Variants in PCSK5 observed in about 807,000 individuals in gnomAD.
PCSK5 encodes proprotein convertase subtilisin/kexin type 5.
PCSK5 carries 129 observed loss-of-function variants against 233.2 expected under a neutral mutation model. The ratio of observed to expected loss-of-function variants is 0.55; its 90% CI spans 0.48 to 0.64. The LOEUF is 0.64. Ranked by LOEUF, PCSK5 falls within the 30% of genes least tolerant of loss-of-function variation. The probability of loss-of-function intolerance (pLI) is 0.00; values close to 1 mark genes in which losing one functional copy is unlikely to be tolerated. For synonymous variants in PCSK5, 825 were observed against 879.2 expected, an observed-to-expected ratio of 0.94 and a Z score of 1.09; for missense variants, 2,076 against 2,430.1, an observed-to-expected ratio of 0.85 and a Z score of 3.06.
chr9:76,355,099 G>A lies in PCSK5; in HGVS notation c.5254+880G>A, dbSNP rs1014344688. ...TTTCCAGTCCCTCAGCTATCCTCAC[G>A]TCTAACCCCATCCATGTGGGTACTT... is the stretch of plus-strand genomic sequence containing the variant. On this transcript the variant is annotated intron_variant, in intron 37 of 37. Transcript: ENST00000674117. Among the ~76,000 whole-genome samples, 12 of 152,202 alleles carry A rather than the reference G, an allele frequency of 7.9e-5. No homozygotes were observed. In the East Asian group the frequency reaches 9.7e-4, roughly 12 times the overall value.
chr9:76,075,049 A>G (rs955887627), intron 7 of PCSK5, among the ~76,000 whole-genome samples: 4 of 151,986 alleles, frequency 2.6e-5, no homozygotes, highest in African/African-American at 9.7e-5. Context: ...GCAAAATCCC[A>G]TCTCTACTAA....
intron 24 of PCSK5, 49 bp from the exon 25 acceptor site, chr9:76,292,184 A>T: frequency 8.9e-7 from 1 of 1,119,346 alleles, no homozygotes; most frequent in Non-Finnish European, 1.4e-6. Flanking sequence ...TATTTTTCCA[A>T]ATGACGAATT....
chr9:75,986,696 C>G (rs892529515), intron 3 of PCSK5, among the ~76,000 whole-genome samples: 4 of 152,158 alleles, frequency 2.6e-5, no homozygotes, highest in African/African-American at 9.7e-5. Flanking sequence ...ATTATGTCAT[C>G]TGATGTGTGC....
At chr9:76,259,476 C>G (rs920869128) in intron 24 of PCSK5, among the ~76,000 whole-genome samples, 2 of 151,854 alleles carry the variant, frequency 1.3e-5, no homozygotes, top group African/African-American at 4.8e-5. Flanking sequence ...CACACACACA[C>G]ACACACACAC....
chr9:76,273,968 T>C (rs929087449), intron 24 of PCSK5, among the ~76,000 whole-genome samples: 1 of 151,802 alleles, frequency 6.6e-6, no homozygotes, highest in Non-Finnish European at 1.5e-5. Flanking sequence ...GTTTTGTTTT[T>C]TTTTTTCCAA....
intron 2 of PCSK5, among the ~76,000 whole-genome samples, chr9:75,966,243 T>C (rs1825580777): frequency 6.6e-6 from 1 of 152,166 alleles, no homozygotes; most frequent in African/African-American, 2.4e-5. Context: ...AGGAACAATC[T>C]CTTCAGAAGT....
chr9:76,263,201 A>C (rs536267974), intron 24 of PCSK5, among the ~76,000 whole-genome samples: 26 of 152,262 alleles, frequency 1.7e-4, no homozygotes, highest in East Asian at 5.8e-4. Flanking sequence ...TAGTTCAACC[A>C]TTGTGGAAGT....
At chr9:75,951,942 T>A (rs1324135777) in intron 2 of PCSK5, among the ~76,000 whole-genome samples, 1 of 152,172 alleles carries the variant, frequency 6.6e-6, no homozygotes, top group African/African-American at 2.4e-5. Context: ...TTTAATTCTT[T>A]AGAACTGATG....
At chr9:76,174,951 T>G (rs906663183) in intron 13 of PCSK5, 35 bp from the exon 14 acceptor site, 2 of 1,559,960 alleles carry the variant, frequency 1.3e-6, no homozygotes, top group Admixed American at 3.7e-5. Context: ...GAGGGAAAAT[T>G]TGGTCATGCT....
rs938410857 is a variant in PCSK5, at chr9:76,358,752, G to T, written c.5494G>T (p.Asp1832Tyr). The change falls in exon 38 of 38, where the codon GAT (aspartate) becomes TAT (tyrosine). Residue 1832 changes from aspartate to tyrosine, a missense_variant. Coordinates refer to ENST00000674117, the MANE Select transcript of PCSK5 (RefSeq NM_001372043.1). ...SYRESTSFEE[D>Y]QVIEYRDRDY... ...TAGAGAGAGCACCAGCTTTGAAGAGGATCAGGTGATTGAGTACAGGGATCG... is the reference window on the plus strand; with the variant it reads ...TAGAGAGAGCACCAGCTTTGAAGAGTATCAGGTGATTGAGTACAGGGATCG... 4.3e-6 allele frequency: 7 copies of T among 1,612,920 alleles called. No homozygotes were observed. The highest frequency in any genetic ancestry group is 2.2e-5 in the South Asian group (2 of 91,090).
chr9:75,976,544 G>A (rs1826030887), intron 2 of PCSK5, among the ~76,000 whole-genome samples: 1 of 151,786 alleles, frequency 6.6e-6, no homozygotes, highest in African/African-American at 2.4e-5. Flanking sequence ...CATCATCAAT[G>A]GAAAAATGAG....
At chr9:76,269,215 T>G (rs1172406402) in intron 24 of PCSK5, among the ~76,000 whole-genome samples, 1 of 152,260 alleles carries the variant, frequency 6.6e-6, no homozygotes, top group Admixed American at 6.5e-5. Context: ...TTGTGCTGGC[T>G]GAACAAATCA....
At chr9:75,924,114 G>C (rs773529663) in intron 1 of PCSK5, among the ~76,000 whole-genome samples, 1 of 152,068 alleles carries the variant, frequency 6.6e-6, no homozygotes, top group Non-Finnish European at 1.5e-5. Context: ...GTAGACATTT[G>C]GTGGGGAGCA....
rs1319547889 is a variant in PCSK5, at chr9:76,323,093, C to A, written c.4144C>A (p.Gln1382Lys). The change falls in exon 32 of 38, where the codon CAG becomes AAG. Residue 1382 changes from glutamine to lysine, a missense_variant. Transcript: ENST00000674117. ...EFFLHDDMCH[Q>K]SCPRGFYADS... ...CTTCCTGCACGATGATATGTGCCAC[C>A]AGTCCTGTCCCCGTGGCTTCTATGC... is the stretch of plus-strand genomic sequence containing the variant. 6.2e-7 allele frequency: 1 copy of A among 1,609,924 alleles called. No homozygotes were observed. The highest frequency in any genetic ancestry group is 2.2e-5 in the East Asian group (1 of 44,778).
In PCSK5 at chr9:76,298,324, T is replaced by C. The variant is rs144362961; in HGVS notation, c.3523+1459T>C. On this transcript the variant is annotated intron_variant, in intron 27 of 37. Coordinates refer to ENST00000674117, the MANE Select transcript of PCSK5 (RefSeq NM_001372043.1). ...TTCTACTATCACAATGTAATGTTTT[T>C]GAGGAGAGGGAGGAATTAGTGCATT... Among the ~76,000 whole-genome samples the C allele has an allele frequency of 4.7e-4, 72 of 152,238 alleles. 1 individual carries two copies. The highest frequency in any genetic ancestry group is 1.6e-3 in the African/African-American group (68 of 41,528).
intron 21 of PCSK5, among the ~76,000 whole-genome samples, chr9:76,230,364 A>G (rs1478128125): frequency 6.6e-6 from 1 of 152,266 alleles, no homozygotes; most frequent in Non-Finnish European, 1.5e-5. Flanking sequence ...TCCTCAAATC[A>G]AGTCAAAAAG....
intron 30 of PCSK5, 45 bp downstream of exon 30, chr9:76,310,896 C>T (rs770062194): frequency 1.5e-6 from 2 of 1,293,822 alleles, no homozygotes; most frequent in South Asian, 1.5e-5. Context: ...AATCACTCTC[C>T]TCTGGTACTT....
chr9:76,318,628 C>T (rs1296325485), intron 30 of PCSK5, among the ~76,000 whole-genome samples: 2 of 152,088 alleles, frequency 1.3e-5, no homozygotes, highest in African/African-American at 4.8e-5. Context: ...TATACACAGA[C>T]ATAAGATTCC....
intron 9 of PCSK5, among the ~76,000 whole-genome samples, chr9:76,108,094 G>C (rs920732046): frequency 6.6e-6 from 1 of 152,106 alleles, no homozygotes; most frequent in Non-Finnish European, 1.5e-5. Context: ...GCTATTTACA[G>C]TATTATTTAT....
Sources: gnomAD v4.1 joint callset for allele counts (sites outside exome capture counted in the v4.1 genomes callset) on GRCh38, gnomAD v4.1.1 for gene constraint, MANE v1.5 for transcripts, NCBI Gene and HGNC (gene_info 2026-07-23, HGNC 2026-07-21) for gene names.